Variants in KCNAB1 observed in about 807,000 individuals in gnomAD.
KCNAB1 encodes voltage-gated potassium channel subunit beta-1.
In KCNAB1, 35 loss-of-function variants were observed where a neutral mutation model predicts 64.6. That is an observed-to-expected ratio of 0.54 (90% confidence interval 0.41 to 0.72). The LOEUF is 0.72. Ranked by LOEUF, KCNAB1 falls within the 30% of genes least tolerant of loss-of-function variation. The probability of loss-of-function intolerance (pLI) is 0.00; values close to 1 mark genes in which losing one functional copy is unlikely to be tolerated. For synonymous variants in KCNAB1, 177 were observed against 183.8 expected (o/e 0.96, Z 0.30); for missense variants, 401 against 512.9 (o/e 0.78, Z 2.11).
At chr3:156,361,542 G>A (rs1283133890) in intron 1 of KCNAB1, among the ~76,000 whole-genome samples, 1 of 152,172 alleles carries the variant, frequency 6.6e-6, no homozygotes, top group African/African-American at 2.4e-5. Context: ...TATCATGTAT[G>A]CTCCATGAGG....
At chr3:156,177,164 C>G (rs1712434901) in intron 1 of KCNAB1, among the ~76,000 whole-genome samples, 1 of 152,120 alleles carries the variant, frequency 6.6e-6, no homozygotes, top group Non-Finnish European at 1.5e-5. Flanking sequence ...AGTACGAAAT[C>G]CGTTAACTCA....
At chr3:156,293,960 T>C (rs1467601315) in intron 1 of KCNAB1, among the ~76,000 whole-genome samples, 1 of 152,204 alleles carries the variant, frequency 6.6e-6, no homozygotes, top group Non-Finnish European at 1.5e-5. Context: ...TGGTTTAAAT[T>C]GTGGCCTCTA....
intron 1 of KCNAB1, among the ~76,000 whole-genome samples, chr3:156,321,962 T>G (rs1037135811): frequency 4.6e-5 from 7 of 152,294 alleles, no homozygotes; most frequent in South Asian, 2.1e-4. Context: ...ATAGGAAGGC[T>G]CCACACTAGA....
intron 1 of KCNAB1, among the ~76,000 whole-genome samples, chr3:156,355,745 C>T (rs1301579532): frequency 6.6e-6 from 1 of 152,118 alleles, no homozygotes; most frequent in East Asian, 1.9e-4. Flanking sequence ...TTTGAATCTT[C>T]AGAGTATCAG....
intron 1 of KCNAB1, among the ~76,000 whole-genome samples, chr3:156,337,605 G>A (rs1442305258): frequency 6.6e-6 from 1 of 152,158 alleles, no homozygotes; most frequent in Non-Finnish European, 1.5e-5. Flanking sequence ...ACTGTGTGTG[G>A]TTGATAGTAC....
chr3:156,349,413 T>C (rs980507619), intron 1 of KCNAB1, among the ~76,000 whole-genome samples: 1 of 152,206 alleles, frequency 6.6e-6, no homozygotes, highest in Non-Finnish European at 1.5e-5. Flanking sequence ...ACCTGTCTGC[T>C]TCACAAGTAC....
intron 1 of KCNAB1, among the ~76,000 whole-genome samples, chr3:156,405,491 A>T (rs1031265053): frequency 6.6e-6 from 1 of 152,244 alleles, no homozygotes; most frequent in South Asian, 2.1e-4. Flanking sequence ...TCAGTACAGT[A>T]ACTTTCTTTT....
chr3:156,473,928 T>C (rs1714140669), intron 7 of KCNAB1, among the ~76,000 whole-genome samples: 1 of 152,330 alleles, frequency 6.6e-6, no homozygotes, highest in East Asian at 1.9e-4. Context: ...CAATACATTC[T>C]ATTTCAGGGA....
At chr3:156,516,225 G>A in intron 10 of KCNAB1, 45 bp from the exon 11 acceptor site, 1 of 1,443,336 alleles carries the variant, frequency 6.9e-7, no homozygotes, top group East Asian at 2.3e-5. Flanking sequence ...CCCACCTTTT[G>A]ATCCCAATTT....
intron 1 of KCNAB1, chr3:156,143,569 G>GTTTTTTTGTTTTTTTTTTT (rs1553807970): frequency 1.3e-5 from 4 of 297,060 alleles, no homozygotes; most frequent in African/African-American, 2.9e-5. Flanking sequence ...TTGCATTCTT[G>GTTTTTTTGTTTTTTTTTTT]TTTTTTTTTT....
chr3:156,205,685 C>A (rs1373678508), intron 1 of KCNAB1, among the ~76,000 whole-genome samples: 1 of 152,162 alleles, frequency 6.6e-6, no homozygotes, highest in African/African-American at 2.4e-5. Context: ...TCTCTTGCCC[C>A]CAAATTCAGT....
chr3:156,529,145 C>G (rs1408727463), intron 12 of KCNAB1, among the ~76,000 whole-genome samples: 1 of 152,176 alleles, frequency 6.6e-6, no homozygotes, highest in Non-Finnish European at 1.5e-5. Context: ...CAATGGAATA[C>G]TCTTTAGCAA....
At chr3:156,125,173 A>C (rs1713578188) in intron 1 of KCNAB1, among the ~76,000 whole-genome samples, 1 of 152,056 alleles carries the variant, frequency 6.6e-6, no homozygotes, top group Non-Finnish European at 1.5e-5. Flanking sequence ...CTTAAATGAG[A>C]TAATGTGCAG....
At chr3:156,309,513 A>G (rs916687589) in intron 1 of KCNAB1, among the ~76,000 whole-genome samples, 3 of 152,276 alleles carry the variant, frequency 2.0e-5, no homozygotes, top group African/African-American at 4.8e-5. Context: ...GGGTTTCTGC[A>G]TAAAGCAAAA....
chr3:156,233,256 C>T (rs149229311), intron 1 of KCNAB1, among the ~76,000 whole-genome samples: 1 of 151,950 alleles, frequency 6.6e-6, no homozygotes, highest in East Asian at 1.9e-4. Flanking sequence ...TGGTAAGTGC[C>T]AAGAAGAAGA....
chr3:156,127,884 G>GGT (rs10576749), intron 1 of KCNAB1, among the ~76,000 whole-genome samples: 6,664 of 147,616 alleles, frequency 0.045, 286 homozygotes, highest in African/African-American at 0.11. Context: ...CTTCATTTGG[G>GGT]GTGTGTGTGT....
intron 5 of KCNAB1, among the ~76,000 whole-genome samples, chr3:156,461,194 C>A (rs1371628170): frequency 1.3e-5 from 2 of 152,180 alleles, no homozygotes; most frequent in Non-Finnish European, 2.9e-5. Flanking sequence ...CAACAAAGGA[C>A]CAGAAACTGG....
At chr3:156,525,646 GC>G (rs1718263664) in intron 12 of KCNAB1, among the ~76,000 whole-genome samples, 1 of 152,132 alleles carries the variant, frequency 6.6e-6, no homozygotes, top group Non-Finnish European at 1.5e-5. Flanking sequence ...CTCCTGAGTA[GC>G]TGGGATTACA....
At chr3:156,317,368 G>C (rs1722345115) in intron 1 of KCNAB1, among the ~76,000 whole-genome samples, 1 of 151,966 alleles carries the variant, frequency 6.6e-6, no homozygotes, top group Non-Finnish European at 1.5e-5. Flanking sequence ...ATAAATTTTT[G>C]CCCTGGCAAA....
Sources: allele counts gnomAD v4.1 joint callset (sites outside exome capture counted in the v4.1 genomes callset), GRCh38; gene constraint gnomAD v4.1.1; transcripts MANE v1.5; gene names NCBI Gene and HGNC (gene_info 2026-07-23, HGNC 2026-07-21).